VPS33B: variants seen among roughly 807,000 people sequenced by gnomAD.
VPS33B encodes VPS33B late endosome and lysosome associated.
In VPS33B, 80 loss-of-function variants were observed where a neutral mutation model predicts 95.3. That is an observed-to-expected ratio of 0.84 (90% CI 0.70 to 1.01). The LOEUF is 1.01. Among genes scored for constraint, VPS33B ranks in the 50% least tolerant of loss-of-function variants. The pLI, the probability that VPS33B is intolerant of heterozygous loss-of-function variation, is 0.00. For synonymous variants in VPS33B, 280 were observed against 280.4 expected (o/e 1.00, Z 0.01); for missense variants, 715 against 773.4 (o/e 0.92, Z 0.90).
chr15:91,017,915 C>CA (rs1461846131), intron 1 of VPS33B, 30 bp from the exon 2 acceptor site: 1 of 1,610,476 alleles, frequency 6.2e-7, no homozygotes, highest in African/African-American at 1.3e-5. Flanking sequence ...TTGGGTCACT[C>CA]ACAGGTCACA....
Position 91,006,835 on chromosome 15 carries a change from C to G in VPS33B, c.701-106G>C, listed in dbSNP as rs1203407015. On this transcript the variant is annotated intron_variant, in intron 9 of 22. Transcript: ENST00000333371. This position sits in a 1 kb window ranked among gnomAD's most constrained non-coding sequence, Gnocchi z 5.4. ...TTCCATAGGGCCAAGGACCCACGCT[C>G]CTCAAAGCTGGGATTCACAGCCCTA... The G allele has an allele frequency of 3.2e-6, 5 of 1,583,880 alleles. No homozygotes were observed. Among genetic ancestry groups the G allele is most frequent in the Non-Finnish European group, 4.3e-6 (5 of 1,153,172 alleles).
At chr15:91,021,264 A>G (rs1567231728) in intron 1 of VPS33B, among the ~76,000 whole-genome samples, 1 of 152,344 alleles carries the variant, frequency 6.6e-6, no homozygotes, top group Non-Finnish European at 1.5e-5. Context: ...ATGAATAACT[A>G]AATGATTACA....
In VPS33B at chr15:91,009,875, ACTAC is replaced by A; in HGVS notation, c.358-33_358-30del. Reference sequence around the variant, plus strand: ...AAAGAGAAAAGGAAATTGATTAGTAACTACCTTCTTCTCTGTTCTCTCCATTTCT... The same window carrying A: ...AAAGAGAAAAGGAAATTGATTAGTAACTTCTTCTCTGTTCTCTCCATTTCT... On this transcript the variant is annotated intron_variant, in intron 5 of 22. Coordinates refer to ENST00000333371, the MANE Select transcript of VPS33B (RefSeq NM_018668.5). This position sits in a 1 kb window ranked among gnomAD's most constrained non-coding sequence, Gnocchi z 4.1. 6.2e-7 allele frequency: 1 copy of A among 1,613,648 alleles called. No individual in the cohort carries two copies. Among genetic ancestry groups the A allele is most frequent in the Non-Finnish European group, 8.5e-7 (1 of 1,179,606 alleles).
chr15:91,014,219 CAAAAAAAAAAAAA>C (rs61232231), intron 4 of VPS33B, among the ~76,000 whole-genome samples, 152 bp downstream of exon 4: 1 of 59,624 alleles, frequency 1.7e-5, no homozygotes. Flanking sequence ...AACTCCGTCT[CAAAAAAAAAAAAA>C]AAAAAAAAAA....
chr15:91,008,123 A>ACACAGTCC (rs1442536731), intron 6 of VPS33B, among the ~76,000 whole-genome samples, 159 bp from the exon 7 acceptor site: 1 of 152,222 alleles, frequency 6.6e-6, no homozygotes, highest in African/African-American at 2.4e-5. Flanking sequence ...GAAGAATAAG[A>ACACAGTCC]CACAGTCCCT....
Position 91,006,203 on chromosome 15 carries a change from C to T in VPS33B, c.853-144G>A. ...GGATCTGTAAGTCCATATCAAATGCCTACACCGTGTTCTAGGAGATGCTCT... is the reference window on the plus strand; with the variant it reads ...GGATCTGTAAGTCCATATCAAATGCTTACACCGTGTTCTAGGAGATGCTCT... On this transcript the variant is annotated intron_variant, in intron 11 of 22. Transcript: ENST00000333371. The surrounding 1 kb of genome is among the most constrained non-coding windows in gnomAD (Gnocchi z 5.4). 1 of 1,333,204 alleles carries T rather than the reference C, an allele frequency of 7.5e-7. No homozygotes were observed. Among genetic ancestry groups the T allele is most frequent in the Non-Finnish European group, 1.1e-6 (1 of 936,352 alleles). 82.6% of individuals were successfully genotyped at this position (1,333,204 alleles called of 1,614,324 possible).
intron 3 of VPS33B, among the ~76,000 whole-genome samples, chr15:91,016,475 C>G (rs529935797): frequency 7.2e-4 from 108 of 151,026 alleles, no homozygotes; most frequent in African/African-American, 2.4e-3. Flanking sequence ...TCATCGCCTC[C>G]CGGGTTCAAG....
chr15:91,016,228 G>A (rs1300280112), intron 3 of VPS33B, among the ~76,000 whole-genome samples: 1 of 152,174 alleles, frequency 6.6e-6, no homozygotes, highest in East Asian at 1.9e-4. Flanking sequence ...GAGGCAGGTG[G>A]AAGCACATGT....
rs2040787050 is a variant in VPS33B at position 91,011,799 on chromosome 15, G to A, written c.358-1953C>T. 6.6e-6 allele frequency among the ~76,000 whole-genome samples: 1 copy of A among 152,040 alleles called. No homozygotes were observed. The highest frequency in any genetic ancestry group is 1.5e-5 in the Non-Finnish European group (1 of 68,014). On this transcript the variant is annotated intron_variant, in intron 5 of 22. Coordinates refer to ENST00000333371, the MANE Select transcript of VPS33B (RefSeq NM_018668.5). The surrounding 1 kb of genome is among the most constrained non-coding windows in gnomAD (Gnocchi z 5.5). ...GCTCAGGAATTTGAGACCAGCTTGG[G>A]CAATATGGCAAAACCCCACCTCTTT...
intron 1 of VPS33B, 41 bp downstream of exon 1, chr15:91,022,113 C>G: frequency 6.5e-7 from 1 of 1,546,772 alleles, no homozygotes; most frequent in Non-Finnish European, 8.8e-7. Flanking sequence ...CCAATGAGTG[C>G]TAAACTGTAG....
chr15:91,016,532 C>T (rs1174030508), intron 3 of VPS33B, among the ~76,000 whole-genome samples: 2 of 151,764 alleles, frequency 1.3e-5, no homozygotes, highest in African/African-American at 2.4e-5. Flanking sequence ...TACAGGCACA[C>T]GCCACCACAC....
In VPS33B at chr15:91,009,889, T is replaced by C. The variant is rs1029556524; in HGVS notation, c.358-43A>G. The C allele has an allele frequency of 3.1e-6, 5 of 1,611,526 alleles. No individual in the cohort carries two copies. In the African/African-American group the frequency reaches 6.7e-5, roughly 22 times the overall value. Reference sequence around the variant, plus strand: ...ATTGATTAGTAACTACCTTCTTCTCTGTTCTCTCCATTTCTCTGGAGTTCC... The same window carrying C: ...ATTGATTAGTAACTACCTTCTTCTCCGTTCTCTCCATTTCTCTGGAGTTCC... On this transcript the variant is annotated intron_variant, in intron 5 of 22. Coordinates refer to ENST00000333371, the MANE Select transcript of VPS33B (RefSeq NM_018668.5). This position sits in a 1 kb window ranked among gnomAD's most constrained non-coding sequence, Gnocchi z 4.1.
At chr15:91,003,763 G>T (rs557345556) in intron 16 of VPS33B, among the ~76,000 whole-genome samples, 4 of 152,252 alleles carry the variant, frequency 2.6e-5, no homozygotes, top group Admixed American at 2.0e-4. Context: ...TTCTGGCTAA[G>T]GGGCAGTTCT....
chr15:90,999,147 G>A lies in VPS33B; in HGVS notation c.1775-93C>T. On this transcript the variant is annotated intron_variant, in intron 22 of 22. Transcript: ENST00000333371. The surrounding 1 kb of genome is among the most constrained non-coding windows in gnomAD (Gnocchi z 5.1). ...CCTCTCCAGTTCCACAGTCCCCACG[G>A]GATCACAGCACCAGTTTATAGACAG... 10 of 1,145,948 alleles carry A rather than the reference G, an allele frequency of 8.7e-6. No homozygotes were observed. Among genetic ancestry groups the A allele is most frequent in the South Asian group, 5.2e-5 (4 of 77,220 alleles). 71.0% of individuals were successfully genotyped at this position (1,145,948 alleles called of 1,614,324 possible).
Position 91,017,317 on chromosome 15 carries a change from G to A in VPS33B, c.178-293C>T, listed in dbSNP as rs368683365. 7.1e-5 allele frequency among the ~76,000 whole-genome samples: 9 copies of A among 127,454 alleles called. No homozygotes were observed. In the East Asian group the frequency reaches 2.3e-3, roughly 32 times the overall value. The allele number at this position is 127,454 out of a possible 152,430, so 83.6% of individuals were successfully genotyped here. On this transcript the variant is annotated intron_variant, in intron 2 of 22. Coordinates refer to ENST00000333371, the MANE Select transcript of VPS33B (RefSeq NM_018668.5). ...GTAGGAGGATCACTTGAACCCAGGA[G>A]TTTGAGATCAGCCTGGGTAACATAA...
Position 91,007,124 on chromosome 15 carries a change from C to A in VPS33B, c.604-78G>T, listed in dbSNP as rs1045362312. 1.4e-6 allele frequency: 2 copies of A among 1,456,296 alleles called. No homozygotes were observed. Among genetic ancestry groups the A allele is most frequent in the African/African-American group, 2.8e-5 (2 of 71,776 alleles). The allele number at this position is 1,456,296 out of a possible 1,614,324, so 90.2% of individuals were successfully genotyped here. ...CCATACCTACAGAAGTCAGCCCTTT[C>A]CACGTGATACTTCCTCTTGTCCCCG... On this transcript the variant is annotated intron_variant, in intron 8 of 22. Transcript: ENST00000333371. This position sits in a 1 kb window ranked among gnomAD's most constrained non-coding sequence, Gnocchi z 5.3.
In VPS33B at chr15:91,006,723, T is replaced by C; in HGVS notation, c.707A>G (p.Asp236Gly). The change falls in exon 10 of 23, where the codon GAC (aspartate) becomes GGC (glycine). Residue 236 changes from aspartate to glycine, a missense_variant. Asp to Gly is a moderately conservative substitution (Grantham distance 94). Coordinates refer to ENST00000333371, the MANE Select transcript of VPS33B (RefSeq NM_018668.5). This position sits in a 1 kb window ranked among gnomAD's most constrained non-coding sequence, Gnocchi z 5.4. ...GHIFLLDRDV[D>G]FVTALCSQVV... Reference sequence around the variant, plus strand: ...TTGGGAGCAAAGTGCTGTCACAAAGTCCACATCTGAAACAGAGATCCCTGA... The same window carrying C: ...TTGGGAGCAAAGTGCTGTCACAAAGCCCACATCTGAAACAGAGATCCCTGA... The C allele has an allele frequency of 6.2e-7, 1 of 1,614,142 alleles. No individual in the cohort carries two copies. The highest frequency in any genetic ancestry group is 8.5e-7 in the Non-Finnish European group (1 of 1,180,030).
rs766406218 is a variant in VPS33B, at chr15:91,011,118, T to C, written c.358-1272A>G. ...GCAGAAATGGGGCCAAGAACTGGCA[T>C]GGAACAGCTCATCTTAGGAGGGAAA... is the stretch of plus-strand genomic sequence containing the variant. On this transcript the variant is annotated intron_variant, in intron 5 of 22. Coordinates refer to ENST00000333371, the MANE Select transcript of VPS33B (RefSeq NM_018668.5). This position sits in a 1 kb window ranked among gnomAD's most constrained non-coding sequence, Gnocchi z 5.5. Among the ~76,000 whole-genome samples the C allele has an allele frequency of 6.6e-6, 1 of 152,214 alleles. No individual in the cohort carries two copies. The highest frequency in any genetic ancestry group is 2.4e-5 in the African/African-American group (1 of 41,454).
Position 91,007,390 on chromosome 15 carries a change from T to G in VPS33B, c.603+79A>C. On this transcript the variant is annotated intron_variant, in intron 8 of 22. Coordinates refer to ENST00000333371, the MANE Select transcript of VPS33B (RefSeq NM_018668.5). The surrounding 1 kb of genome is among the most constrained non-coding windows in gnomAD (Gnocchi z 5.3). ...TAAAGAATACACCTCATATCACAGG[T>G]GCCCTTGGATAACCCCAGGAGGGTA... The G allele has an allele frequency of 7.6e-7, 1 of 1,308,398 alleles. No homozygotes were observed. The highest frequency in any genetic ancestry group is 2.3e-5 in the East Asian group (1 of 43,422). The allele number at this position is 1,308,398 out of a possible 1,614,324, so 81.0% of individuals were successfully genotyped here.
Sources: gnomAD v4.1 joint callset for allele counts (sites outside exome capture counted in the v4.1 genomes callset) on GRCh38, gnomAD v4.1.1 for gene constraint, Gnocchi (gnomAD v3.1) non-coding constraint, MANE v1.5 for transcripts, NCBI Gene and HGNC (gene_info 2026-07-23, HGNC 2026-07-21) for gene names.